The following COPZ2 variants were observed in gnomAD, a reference collection of about 807,000 sequenced individuals.
The protein encoded by COPZ2 is coat protein complex I subunit zeta 2.
Under a neutral mutation model 33.2 loss-of-function variants are expected in COPZ2, and 30 were observed. That is an observed-to-expected ratio of 0.90 (90% CI 0.68 to 1.23). COPZ2 has a LOEUF of 1.23. COPZ2 is among the 50% of genes most tolerant of loss of function. The pLI is 0.00. For missense variants in COPZ2, 263 were observed against 262.4 expected (o/e 1.00, Z -0.02); for synonymous variants, 89 against 102.6 (o/e 0.87, Z 0.80).
At chr17:48,042,037 A>G (rs1054652092), upstream of COPZ2, among the ~76,000 whole-genome samples, 1 of 152,158 alleles carries the variant, frequency 6.6e-6, no homozygotes, top group Non-Finnish European at 1.5e-5. Flanking sequence ...GAGAGGGGCC[A>G]AGGGGATAGG....
Position 48,032,141 on chromosome 17 carries a change from C to T in COPZ2, c.494+15G>A. 6.2e-7 allele frequency: 1 copy of T among 1,608,610 alleles called. No individual in the cohort carries two copies. The stretch of plus-strand genomic sequence containing the variant: ...GCACTCCTGCTGTGAGTGTCCCTGA[C>T]TGTCCCCTCCTCACCCGCCATCCAC... On this transcript the variant is annotated intron_variant, in intron 6 of 8. Coordinates refer to ENST00000621465, the MANE Select transcript of COPZ2 (RefSeq NM_016429.4).
chr17:48,047,806 C>A, the COPZ2 span: 1 of 152,226 alleles, frequency 6.6e-6, no homozygotes, highest in African/African-American at 2.4e-5. Context: ...CGGTTTCCGC[C>A]GCCAGCACCC....
intron 4 of COPZ2, 89 bp downstream of exon 4, chr17:48,033,122 C>T: frequency 1.1e-6 from 1 of 914,954 alleles, no homozygotes; most frequent in Non-Finnish European, 1.7e-6. Context: ...AATGGTGAGC[C>T]TCCAGGTCCC....
At chr17:48,040,219 G>A (rs867825872), upstream of COPZ2, among the ~76,000 whole-genome samples, 103 of 146,464 alleles carry the variant, frequency 7.0e-4, 1 homozygote, top group African/African-American at 2.4e-3. Flanking sequence ...CGATACACAC[G>A]TGCCACCATG....
Position 48,037,623 on chromosome 17 carries a change from C to G in COPZ2, c.111+44G>C. 9.4e-7 allele frequency: 1 copy of G among 1,063,832 alleles called. No homozygotes were observed. Among genetic ancestry groups the G allele is most frequent in the Non-Finnish European group, 1.1e-6 (1 of 880,718 alleles). The allele number at this position is 1,063,832 out of a possible 1,614,324, so 65.9% of individuals were successfully genotyped here. A position where few individuals can be genotyped will look rare whatever the true frequency, so the allele number is the denominator to read the frequency against. Reference sequence around the variant, plus strand: ...CCCCCTAACCCTGCTCTGTCCCTGCCCAGCTCCCGCCGCCCGGGATCCCCG... The same window carrying G: ...CCCCCTAACCCTGCTCTGTCCCTGCGCAGCTCCCGCCGCCCGGGATCCCCG... On this transcript the variant is annotated intron_variant, in intron 1 of 8. Transcript: ENST00000621465. This position sits in a 1 kb window ranked among gnomAD's most constrained non-coding sequence, Gnocchi z 5.6.
At chr17:48,042,429 T>C (rs1363988122), upstream of COPZ2, among the ~76,000 whole-genome samples, 1 of 151,892 alleles carries the variant, frequency 6.6e-6, no homozygotes, top group Non-Finnish European at 1.5e-5. Context: ...CCACCGCGCC[T>C]GGCCTTGTTG....
chr17:48,036,321 A>G (rs1425253224), intron 2 of COPZ2, among the ~76,000 whole-genome samples: 1 of 152,224 alleles, frequency 6.6e-6, no homozygotes, highest in Non-Finnish European at 1.5e-5. Context: ...TGGATCTGTT[A>G]GGATATTAAT....
At chr17:48,040,356 AC>A (rs1356911611), upstream of COPZ2, among the ~76,000 whole-genome samples, 1 of 151,068 alleles carries the variant, frequency 6.6e-6, no homozygotes. Flanking sequence ...TACAGGTGTG[AC>A]CCACCTCACC....
At chr17:48,041,191 C>A (rs1287988560), upstream of COPZ2, among the ~76,000 whole-genome samples, 2 of 146,476 alleles carry the variant, frequency 1.4e-5, no homozygotes, top group African/African-American at 2.5e-5. Context: ...ATGTGCTGTA[C>A]AAATATTTAT....
At chr17:48,039,562 T>G (rs376071763), upstream of COPZ2, among the ~76,000 whole-genome samples, 3 of 151,766 alleles carry the variant, frequency 2.0e-5, no homozygotes, top group East Asian at 3.9e-4. Flanking sequence ...GGTCTCACTA[T>G]GTTGCCCAGG....
chr17:48,040,491 G>A (rs2037051243), upstream of COPZ2, among the ~76,000 whole-genome samples: 1 of 148,754 alleles, frequency 6.7e-6, no homozygotes, highest in African/African-American at 2.5e-5. Flanking sequence ...GGAGTGCAGT[G>A]GCGAGATCTC....
chr17:48,031,223 T>C (rs1048662411), intron 6 of COPZ2, among the ~76,000 whole-genome samples: 3 of 152,020 alleles, frequency 2.0e-5, no homozygotes, highest in African/African-American at 7.2e-5. Context: ...GAGGCTGAGG[T>C]GGGCGGATCA....
intron 3 of COPZ2, 129 bp downstream of exon 3, chr17:48,033,734 G>T: frequency 1.4e-6 from 1 of 712,834 alleles, no homozygotes; most frequent in Non-Finnish European, 2.5e-6. Context: ...GGGAAGGAGA[G>T]GACAAAAAGC....
intron 2 of COPZ2, among the ~76,000 whole-genome samples, chr17:48,036,396 A>G (rs2036983127): frequency 6.6e-6 from 1 of 152,240 alleles, no homozygotes; most frequent in South Asian, 2.1e-4. Context: ...ACGAAATTAA[A>G]GAGTTGGATT....
At chr17:48,042,612 C>T (rs1188695641), upstream of COPZ2, among the ~76,000 whole-genome samples, 2 of 152,122 alleles carry the variant, frequency 1.3e-5, no homozygotes, top group Non-Finnish European at 2.9e-5. Flanking sequence ...CAGGTGCGTG[C>T]CACCATGCCC....
upstream of COPZ2, among the ~76,000 whole-genome samples, chr17:48,041,147 C>CAAAAAA (rs10532613): frequency 9.7e-6 from 1 of 103,014 alleles, no homozygotes; most frequent in Non-Finnish European, 2.0e-5. Context: ...ACTCTATCTC[C>CAAAAAA]AAAAAAAAAA....
At chr17:48,042,167 CTT>C (rs2037068766), upstream of COPZ2, among the ~76,000 whole-genome samples, 1 of 152,032 alleles carries the variant, frequency 6.6e-6, no homozygotes, top group South Asian at 2.1e-4. Flanking sequence ...GAGTTTCACT[CTT>C]GTTGCCCAGG....
chr17:48,038,527 G>A (rs192480147), upstream of COPZ2, among the ~76,000 whole-genome samples: 36 of 152,288 alleles, frequency 2.4e-4, no homozygotes, highest in Admixed American at 2.2e-3. Context: ...TGCTACGTAT[G>A]CATTTACCGG....
At chr17:48,039,887 C>T (rs574664024), upstream of COPZ2, among the ~76,000 whole-genome samples, 127 of 152,098 alleles carry the variant, frequency 8.3e-4, no homozygotes, top group African/African-American at 3.0e-3. Flanking sequence ...TTTGGAAGGC[C>T]GAGACAGGCG....
Sources: allele counts gnomAD v4.1 joint callset (sites outside exome capture counted in the v4.1 genomes callset), GRCh38; gene constraint gnomAD v4.1.1; non-coding constraint Gnocchi (gnomAD v3.1); transcripts MANE v1.5; gene names NCBI Gene and HGNC (gene_info 2026-07-23, HGNC 2026-07-21).